The following SLIT3 variants were observed in gnomAD, a reference collection of about 807,000 sequenced individuals.
The protein encoded by SLIT3 is slit homolog 3 protein.
SLIT3 carries 68 observed loss-of-function variants against 184.0 expected under a neutral mutation model. That is an observed-to-expected ratio of 0.37 (90% CI 0.30 to 0.45). The LOEUF (loss-of-function observed/expected upper bound fraction) is 0.45, where lower values mean the gene tolerates loss of function less well. Ranked by LOEUF, SLIT3 falls within the 20% of genes least tolerant of loss-of-function variation. The pLI, the probability that SLIT3 is intolerant of heterozygous loss-of-function variation, is 1.00. For missense variants in SLIT3, 1,707 were observed against 2,026.0 expected (o/e 0.84, Z 3.02); for synonymous variants, 831 against 828.6 (o/e 1.00, Z -0.05).
At chr5:168,911,262 G>T (rs992621670) in intron 4 of SLIT3, among the ~76,000 whole-genome samples, 2 of 152,168 alleles carry the variant, frequency 1.3e-5, no homozygotes, top group African/African-American at 4.8e-5. Context: ...CACACATTTT[G>T]AATGATTTAT....
chr5:168,770,991 G>A (rs1295544743), intron 14 of SLIT3, among the ~76,000 whole-genome samples: 1 of 151,496 alleles, frequency 6.6e-6, no homozygotes, highest in South Asian at 2.1e-4. Context: ...TTTCCCTGCT[G>A]TGCCACGCAG....
At chr5:168,739,043 A>G (rs562344530) in intron 20 of SLIT3, among the ~76,000 whole-genome samples, 3 of 151,996 alleles carry the variant, frequency 2.0e-5, no homozygotes, top group Non-Finnish European at 4.4e-5. Flanking sequence ...TGCCACATTG[A>G]GCTTAACAAC....
At chr5:168,735,817 A>G (rs1581019667) in intron 20 of SLIT3, among the ~76,000 whole-genome samples, 1 of 152,034 alleles carries the variant, frequency 6.6e-6, no homozygotes, top group African/African-American at 2.4e-5. Context: ...GGATCATGCC[A>G]CTTAAAATTC....
At chr5:169,098,316 C>T (rs1174053413) in intron 4 of SLIT3, among the ~76,000 whole-genome samples, 2 of 152,196 alleles carry the variant, frequency 1.3e-5, no homozygotes, top group Non-Finnish European at 2.9e-5. Flanking sequence ...TGTGTGTATA[C>T]ACACAGTATA....
chr5:169,049,181 A>C (rs955543055), intron 4 of SLIT3, among the ~76,000 whole-genome samples: 2 of 152,206 alleles, frequency 1.3e-5, no homozygotes, highest in African/African-American at 4.8e-5. Context: ...AAAAAATTAC[A>C]CTGGCCCCAG....
intron 4 of SLIT3, among the ~76,000 whole-genome samples, chr5:168,886,774 C>T (rs557651448): frequency 2.3e-4 from 35 of 152,084 alleles, no homozygotes; most frequent in African/African-American, 7.9e-4. Context: ...AATTGGGATG[C>T]CTTTTTAAAT....
chr5:169,183,320 G>A (rs1222297021), intron 4 of SLIT3, among the ~76,000 whole-genome samples: 1 of 152,198 alleles, frequency 6.6e-6, no homozygotes, highest in Non-Finnish European at 1.5e-5. Flanking sequence ...GTACACTGAT[G>A]TATGAAGGCT....
At chr5:169,060,461 C>T (rs1758140782) in intron 4 of SLIT3, among the ~76,000 whole-genome samples, 1 of 152,334 alleles carries the variant, frequency 6.6e-6, no homozygotes, top group Non-Finnish European at 1.5e-5. Context: ...ACTACCCAGT[C>T]TATATCAGCC....
chr5:169,036,094 C>T (rs1757236259), intron 4 of SLIT3: 1 of 152,208 alleles, frequency 6.6e-6, no homozygotes, highest in South Asian at 2.1e-4. Flanking sequence ...TGTTTTTTCT[C>T]ATTTGAGTTG....
Position 169,297,207 on chromosome 5 carries a change from G to A in SLIT3, c.197+3306C>T, listed in dbSNP as rs1669230555. On this transcript the variant is annotated intron_variant, in intron 1 of 35. Transcript: ENST00000519560. ...CTCTGCATTTATTTAGCTTTCTTGTGGGTGTCACCTCCTCATGGAGGGGGA... is the reference window on the plus strand; with the variant it reads ...CTCTGCATTTATTTAGCTTTCTTGTAGGTGTCACCTCCTCATGGAGGGGGA... Among the ~76,000 whole-genome samples, 7 of 152,258 alleles carry A rather than the reference G, an allele frequency of 4.6e-5. No individual in the cohort carries two copies. The South Asian group carries it at 1.5e-3, about 32-fold the overall frequency.
intron 4 of SLIT3, among the ~76,000 whole-genome samples, chr5:168,945,263 A>G (rs1762438228): frequency 6.9e-6 from 1 of 145,734 alleles, no homozygotes; most frequent in African/African-American, 2.6e-5. Flanking sequence ...TTTTTTTGAG[A>G]CAAAGTCTCA....
intron 4 of SLIT3, among the ~76,000 whole-genome samples, chr5:169,135,434 A>G (rs1761467375): frequency 2.0e-5 from 3 of 151,880 alleles, no homozygotes; most frequent in Admixed American, 6.6e-5. Context: ...TTTTTAATCC[A>G]TGAGTTGTTC....
At chr5:169,286,460 C>T (rs923831530) in intron 1 of SLIT3, among the ~76,000 whole-genome samples, 1 of 152,140 alleles carries the variant, frequency 6.6e-6, no homozygotes, top group Non-Finnish European at 1.5e-5. Context: ...TGGATATTGG[C>T]TCAGGTCTAA....
At chr5:168,726,376 GAGAGGGAGGC>G (rs1763111527) in intron 20 of SLIT3, among the ~76,000 whole-genome samples, 5 of 41,360 alleles carry the variant, frequency 1.2e-4, no homozygotes, top group African/African-American at 1.4e-4. Context: ...GGCAGGGAGG[GAGAGGGAGGC>G]AGGGAGGCAG....
At chr5:168,922,588 G>A (rs1225419915) in intron 4 of SLIT3, among the ~76,000 whole-genome samples, 1 of 152,110 alleles carries the variant, frequency 6.6e-6, no homozygotes, top group East Asian at 1.9e-4. Flanking sequence ...GGAAGAGAGA[G>A]AGAAAAAGGG....
At chr5:169,102,500 A>G (rs755214992) in intron 4 of SLIT3, among the ~76,000 whole-genome samples, 8 of 152,216 alleles carry the variant, frequency 5.3e-5, no homozygotes, top group African/African-American at 1.7e-4. Context: ...TAGATTACTT[A>G]TAATACCTAA....
chr5:168,853,339 C>T (rs189496510), intron 5 of SLIT3, among the ~76,000 whole-genome samples: 141 of 152,204 alleles, frequency 9.3e-4, no homozygotes, highest in Non-Finnish European at 1.6e-4. Flanking sequence ...AGAGAAATTG[C>T]AAAATTTAAT....
In SLIT3 at chr5:169,301,123, C is replaced by A. The variant is rs536911767; in HGVS notation, c.-414G>T. 3 of 152,868 alleles carry A rather than the reference C, an allele frequency of 2.0e-5. No individual in the cohort carries two copies. Among genetic ancestry groups the A allele is most frequent in the East Asian group, 1.9e-4 (1 of 5,140 alleles). 9.5% of individuals were successfully genotyped at this position (152,868 alleles called of 1,614,324 possible). A position where few individuals can be genotyped will look rare whatever the true frequency, so the allele number is the denominator to read the frequency against. ...GCGGCCGGGTGAGCTGGCCGGCGCT[C>A]GCTCTCTCCATTCAGTGAGCACGGC... On this transcript the variant is annotated 5_prime_UTR_variant, in exon 1 of 36. Coordinates refer to ENST00000519560, the MANE Select transcript of SLIT3 (RefSeq NM_003062.4).
intron 4 of SLIT3, among the ~76,000 whole-genome samples, chr5:169,101,070 A>G (rs939491970): frequency 3.3e-5 from 5 of 152,152 alleles, no homozygotes; most frequent in African/African-American, 9.7e-5. Flanking sequence ...CTTAATACTG[A>G]GCATATTTCA....
Sources: allele counts gnomAD v4.1 joint callset (sites outside exome capture counted in the v4.1 genomes callset), GRCh38; gene constraint gnomAD v4.1.1; transcripts MANE v1.5; gene names NCBI Gene and HGNC (gene_info 2026-07-23, HGNC 2026-07-21).